The following ANKS1A variants were observed in gnomAD, a reference collection of about 807,000 sequenced individuals.
ANKS1A encodes ankyrin repeat and sterile alpha motif domain containing 1A.
In ANKS1A, 55 loss-of-function variants were observed where a neutral mutation model predicts 120.3. The ratio of observed to expected loss-of-function variants is 0.46; its 90% CI spans 0.37 to 0.57. The LOEUF is 0.57. Ranked by LOEUF, ANKS1A falls within the 20% of genes least tolerant of loss-of-function variation. The probability of loss-of-function intolerance (pLI) is 0.00; values close to 1 mark genes in which losing one functional copy is unlikely to be tolerated. For missense variants in ANKS1A, 1,123 were observed against 1,480.3 expected (o/e 0.76, Z 3.96); for synonymous variants, 590 against 604.7 (o/e 0.98, Z 0.36).
In ANKS1A at chr6:35,084,173, C is replaced by T. The variant is rs774064467; in HGVS notation, c.3047C>T (p.Pro1016Leu). The change falls in exon 21 of 24, where the codon CCG (proline) becomes CTG (leucine). Residue 1016 changes from proline (P) to leucine (L), a missense_variant. Around this residue, in one of 3 missense-constraint regions of ANKS1A, gnomAD observed 904 missense variants for 1,130.4 expected, o/e 0.80. Coordinates refer to ENST00000360359, the MANE Select transcript of ANKS1A (RefSeq NM_015245.3). This position sits in a 1 kb window ranked among gnomAD's most constrained non-coding sequence, Gnocchi z 4.8. ...IRNISCAAQD[P>L]EDLCTFAYIT... ...AACATTTCCTGTGCGGCCCAGGACC[C>T]GGAGGACCTCTGTACCTTTGCCTAC... 5.6e-6 allele frequency: 9 copies of T among 1,614,100 alleles called. No individual in the cohort carries two copies. The highest frequency in any genetic ancestry group is 7.6e-6 in the Non-Finnish European group (9 of 1,180,042).
At chr6:34,910,250 C>T (rs1358596681) in intron 1 of ANKS1A, among the ~76,000 whole-genome samples, 1 of 152,096 alleles carries the variant, frequency 6.6e-6, no homozygotes, top group East Asian at 1.9e-4. Flanking sequence ...GGTGATCTCT[C>T]CTATGACTTT....
downstream of ANKS1A, chr6:35,091,529 T>C: frequency 1.5e-6 from 1 of 661,166 alleles, no homozygotes; most frequent in Non-Finnish European, 1.9e-6. Context: ...TTGGCTGAGA[T>C]GACGACAGCT....
intron 7 of ANKS1A, among the ~76,000 whole-genome samples, chr6:34,983,876 C>G (rs938071125): frequency 6.6e-6 from 1 of 150,596 alleles, no homozygotes; most frequent in African/African-American, 2.5e-5. Context: ...ACTGCAACCT[C>G]TGCCTCCCGG....
At chr6:34,992,463 C>T (rs543785412) in intron 9 of ANKS1A, among the ~76,000 whole-genome samples, 3 of 152,334 alleles carry the variant, frequency 2.0e-5, no homozygotes, top group Admixed American at 2.0e-4. Context: ...AATTACCTAC[C>T]TCTGAAGGAA....
At chr6:34,969,982 C>T (rs376982908) in intron 2 of ANKS1A, 28 bp from the exon 3 acceptor site, 1 of 1,607,932 alleles carries the variant, frequency 6.2e-7, no homozygotes, top group South Asian at 1.1e-5. Context: ...TGAGTTCTAC[C>T]AACTCATGAT....
intron 11 of ANKS1A, among the ~76,000 whole-genome samples, chr6:35,041,279 T>G (rs1775443891): frequency 6.6e-6 from 1 of 152,188 alleles, no homozygotes; most frequent in African/African-American, 2.4e-5. Context: ...GAACAGTTGT[T>G]GGCAGCAATC....
At chr6:34,960,743 C>T (rs535892176) in intron 1 of ANKS1A, among the ~76,000 whole-genome samples, 2 of 152,306 alleles carry the variant, frequency 1.3e-5, no homozygotes, top group African/African-American at 4.8e-5. Flanking sequence ...GCTTCAGCAT[C>T]ATGTGAAAGC....
chr6:35,021,392 G>A (rs1774332936), intron 11 of ANKS1A, among the ~76,000 whole-genome samples: 1 of 152,192 alleles, frequency 6.6e-6, no homozygotes. Context: ...AGAAGTGCAG[G>A]ACCACAGATG....
rs62402678 is a variant in ANKS1A, at chr6:34,992,341, A to T, written c.1303-1961A>T. Reference sequence around the variant, plus strand: ...TCTGCCTCTATTTGTCCTGCACAAGAACTAGGCACAGAGTGAAAGCAGGTC... The same window carrying T: ...TCTGCCTCTATTTGTCCTGCACAAGTACTAGGCACAGAGTGAAAGCAGGTC... On this transcript the variant is annotated intron_variant, in intron 9 of 23. Coordinates refer to ENST00000360359, the MANE Select transcript of ANKS1A (RefSeq NM_015245.3). Among the ~76,000 whole-genome samples, 480 of 152,282 alleles carry T rather than the reference A, an allele frequency of 3.2e-3. 2 individuals are homozygous for T. Among genetic ancestry groups the T allele is most frequent in the South Asian group, 6.8e-3 (33 of 4,830 alleles).
At chr6:34,973,252 A>G (rs2127515403) in intron 3 of ANKS1A, among the ~76,000 whole-genome samples, 1 of 152,266 alleles carries the variant, frequency 6.6e-6, no homozygotes, top group Non-Finnish European at 1.5e-5. Context: ...TCCAGCCATT[A>G]GCTTCTCTCT....
At chr6:34,990,551 G>C (rs1324933602) in intron 9 of ANKS1A, among the ~76,000 whole-genome samples, 1 of 149,692 alleles carries the variant, frequency 6.7e-6, no homozygotes, top group African/African-American at 2.5e-5. Context: ...AGTTGGGGCT[G>C]GTTCTCTGTA....
chr6:34,912,615 T>A (rs3800449), intron 1 of ANKS1A, among the ~76,000 whole-genome samples: 12,180 of 152,220 alleles, frequency 0.08, 679 homozygotes, highest in East Asian at 0.33. Context: ...TAACTGAACA[T>A]TTCTCACCTA....
intron 5 of ANKS1A, 53 bp from the exon 6 acceptor site, chr6:34,983,060 G>A: frequency 6.4e-7 from 1 of 1,557,858 alleles, no homozygotes; most frequent in Non-Finnish European, 8.8e-7. Flanking sequence ...GACCCTTTTG[G>A]AGGCTGGCTT....
chr6:34,920,025 C>G (rs896558385), intron 1 of ANKS1A, among the ~76,000 whole-genome samples: 1 of 152,056 alleles, frequency 6.6e-6, no homozygotes, highest in African/African-American at 2.4e-5. Flanking sequence ...GGTCTGTCAG[C>G]CACAGCCATA....
At chr6:35,088,551 T>C (rs1778120792) in intron 23 of ANKS1A, 55 bp from the exon 24 acceptor site, 1 of 1,606,302 alleles carries the variant, frequency 6.2e-7, no homozygotes, top group East Asian at 2.2e-5. Context: ...TCCTCCACCG[T>C]CCGCAGGCCC....
intron 1 of ANKS1A, among the ~76,000 whole-genome samples, chr6:34,931,125 C>T (rs1035784887): frequency 6.6e-6 from 1 of 151,054 alleles, no homozygotes; most frequent in Non-Finnish European, 1.5e-5. Context: ...GTGATCCGCC[C>T]GCCTCAGCCT....
At chr6:35,051,946 T>G (rs1029491979) in intron 11 of ANKS1A, among the ~76,000 whole-genome samples, 5 of 152,154 alleles carry the variant, frequency 3.3e-5, no homozygotes, top group Admixed American at 6.5e-5. Flanking sequence ...TTCAGCCAGG[T>G]GCTTTATGTA....
chr6:35,090,414 G>T lies in ANKS1A; in HGVS notation c.*1805G>T, dbSNP rs2127620828. 2 of 1,200,668 alleles carry T rather than the reference G, an allele frequency of 1.7e-6. No homozygotes were observed. The highest frequency in any genetic ancestry group is 3.0e-5 in the South Asian group (2 of 65,970). 74.4% of individuals were successfully genotyped at this position (1,200,668 alleles called of 1,614,324 possible). A position where few individuals can be genotyped will look rare whatever the true frequency, so the allele number is the denominator to read the frequency against. On this transcript the variant is annotated 3_prime_UTR_variant, in exon 24 of 24. Coordinates refer to ENST00000360359, the MANE Select transcript of ANKS1A (RefSeq NM_015245.3). ...GGCCTCTGTCGGGGGCGGGGCGGTAGGTCCGAAAGAAACCGCAGACACTAC... is the reference window on the plus strand; with the variant it reads ...GGCCTCTGTCGGGGGCGGGGCGGTATGTCCGAAAGAAACCGCAGACACTAC...
rs1399108529 is a variant in ANKS1A, at chr6:34,994,229, C to T, written c.1303-73C>T. On this transcript the variant is annotated intron_variant, in intron 9 of 23. Coordinates refer to ENST00000360359, the MANE Select transcript of ANKS1A (RefSeq NM_015245.3). ...TTGATGAAAAAAGAGCCAATAATCT[C>T]GAATTTGTTCCAGACTGCCTGTCTT... 77 of 1,548,144 alleles carry T rather than the reference C, an allele frequency of 5.0e-5. 1 individual carries two copies. In the South Asian group the frequency reaches 7.9e-4, roughly 16 times the overall value.
Sources: allele counts gnomAD v4.1 joint callset (sites outside exome capture counted in the v4.1 genomes callset), GRCh38; gene constraint gnomAD v4.1.1; regional missense constraint gnomAD v4.1.1; non-coding constraint Gnocchi (gnomAD v3.1); transcripts MANE v1.5; gene names NCBI Gene and HGNC (gene_info 2026-07-23, HGNC 2026-07-21).